The following MR1 variants were observed in gnomAD, a reference collection of about 807,000 sequenced individuals.
MR1 encodes major histocompatibility complex class I-related protein 1.
A neutral mutation model predicts 37.8 loss-of-function variants in MR1; 44 were observed. The observed-to-expected ratio is 1.16, with a 90% confidence interval of 0.91 to 1.50. The LOEUF (loss-of-function observed/expected upper bound fraction) is 1.50, where lower values mean the gene tolerates loss of function less well. Among genes scored for constraint, MR1 ranks in the 40% most tolerant of loss-of-function variants. The probability of loss-of-function intolerance (pLI) is 0.00; values close to 1 mark genes in which losing one functional copy is unlikely to be tolerated. For synonymous variants in MR1, 153 were observed against 155.8 expected (o/e 0.98, Z 0.13); for missense variants, 386 against 419.1 (o/e 0.92, Z 0.69).
At chr1:181,055,015 TC>T (rs1289157895) in intron 5 of MR1, among the ~76,000 whole-genome samples, 1 of 152,216 alleles carries the variant, frequency 6.6e-6, no homozygotes, top group Non-Finnish European at 1.5e-5. Flanking sequence ...CATCCCTCTC[TC>T]AATAATTATA....
In MR1 at chr1:181,058,563, T is replaced by C. The variant is rs1233128522; in HGVS notation, c.*3298T>C. ...TCCTCTTACTCCCATGATTTCCAAG[T>C]TGTGATCCTTTCCTTATTTCTGAGG... On this transcript the variant is annotated 3_prime_UTR_variant, in exon 6 of 6. Transcript: ENST00000367580. 6.6e-6 allele frequency: 1 copy of C among 152,248 alleles called. No individual in the cohort carries two copies. Among genetic ancestry groups the C allele is most frequent in the Non-Finnish European group, 1.5e-5 (1 of 68,048 alleles). The allele number at this position is 152,248 out of a possible 1,614,324, so 9.4% of individuals were successfully genotyped here. A position where few individuals can be genotyped will look rare whatever the true frequency, so the allele number is the denominator to read the frequency against.
At chr1:181,054,323 C>A (rs1370928407) in intron 5 of MR1, among the ~76,000 whole-genome samples, 1 of 152,134 alleles carries the variant, frequency 6.6e-6, no homozygotes, top group Non-Finnish European at 1.5e-5. Context: ...AAGACAGATA[C>A]GATCCCTGTT....
intron 1 of MR1, among the ~76,000 whole-genome samples, chr1:181,046,347 A>C (rs1264243954): frequency 6.6e-6 from 1 of 152,162 alleles, no homozygotes; most frequent in Non-Finnish European, 1.5e-5. Flanking sequence ...TTGTAAATAC[A>C]CCAATCGGCA....
chr1:181,045,201 G>T (rs1363800473), intron 1 of MR1, among the ~76,000 whole-genome samples: 3 of 152,170 alleles, frequency 2.0e-5, no homozygotes, highest in Admixed American at 1.3e-4. Flanking sequence ...TTGGAGGTGG[G>T]TTTTGAGGAC....
chr1:181,044,940 C>T (rs890351584), intron 1 of MR1, among the ~76,000 whole-genome samples: 7 of 152,224 alleles, frequency 4.6e-5, no homozygotes, highest in African/African-American at 1.7e-4. Context: ...TGGAGGGAGA[C>T]ACCAGCTTTC....
At chr1:181,040,068 G>A (rs1489875270) in intron 1 of MR1, among the ~76,000 whole-genome samples, 1 of 152,064 alleles carries the variant, frequency 6.6e-6, no homozygotes, top group South Asian at 2.1e-4. Context: ...TGGTTGTGTC[G>A]TTCGGGTTCT....
intron 2 of MR1, chr1:181,049,521 C>A (rs757980563): frequency 3.3e-5 from 20 of 614,878 alleles, no homozygotes; most frequent in Non-Finnish European, 5.7e-5. Context: ...CTGTCATTTG[C>A]CCCACCCACT....
intron 1 of MR1, among the ~76,000 whole-genome samples, chr1:181,036,815 G>T (rs975293164): frequency 9.2e-5 from 14 of 152,192 alleles, no homozygotes; most frequent in Non-Finnish European, 1.9e-4. Flanking sequence ...GTAAATGTTT[G>T]CTGAGTGAAT....
At position 181,056,372 on chromosome 1, in the gene MR1, AT is replaced by A. The variant is rs1431562876; in HGVS notation, c.*1108del. 1 of 55,784 alleles carries A rather than the reference AT, an allele frequency of 1.8e-5. No homozygotes were observed. The highest frequency in any genetic ancestry group is 1.4e-4 in the African/African-American group (1 of 7,120). The allele number at this position is 55,784 out of a possible 1,614,324, so 3.5% of individuals were successfully genotyped here. On this transcript the variant is annotated 3_prime_UTR_variant, in exon 6 of 6. Transcript: ENST00000367580. ...AGTGAGACTCTATCTCAAAATAATA[AT>A]AATAATAATAATAATAATAATAATA...
intron 3 of MR1, 78 bp downstream of exon 3, chr1:181,050,364 T>C (rs1306495241): frequency 1.3e-6 from 2 of 1,549,314 alleles, no homozygotes; most frequent in East Asian, 2.3e-5. Context: ...ATCTAGGTTA[T>C]ATCCACTGTA....
In MR1 at chr1:181,049,254, C is replaced by T; in HGVS notation, c.270C>T (p.Gly90=). The change falls in exon 2 of 6, where the codon GGC becomes GGT. Residue 90 remains glycine, a synonymous_variant. Transcript: ENST00000367580. ...AGAGGTACACTCAGCTGCTGAGGGG[C>T]TGGCAGCAGATGTTCAAGGTGGAAC... The part of the protein sequence containing the change: ...HWERYTQLLR[G]WQQMFKVELK... 1.2e-6 allele frequency: 2 copies of T among 1,614,184 alleles called. No homozygotes were observed. The highest frequency in any genetic ancestry group is 1.7e-6 in the Non-Finnish European group (2 of 1,180,016).
At chr1:181,038,719 A>G (rs150722112) in intron 1 of MR1, among the ~76,000 whole-genome samples, 1,678 of 152,380 alleles carry the variant, frequency 0.011, 18 homozygotes, top group Middle Eastern at 0.031. Context: ...GGGACTTCCC[A>G]TGGAGAGATC....
intron 1 of MR1, among the ~76,000 whole-genome samples, chr1:181,038,259 G>A (rs1159817364): frequency 6.6e-6 from 1 of 152,186 alleles, no homozygotes; most frequent in East Asian, 1.9e-4. Context: ...TATGCTCTAA[G>A]TTCCTGTAGT....
intron 1 of MR1, among the ~76,000 whole-genome samples, chr1:181,046,113 AC>A (rs901628762): frequency 6.6e-6 from 1 of 151,618 alleles, no homozygotes; most frequent in Non-Finnish European, 1.5e-5. Context: ...TGAGCCTCCC[AC>A]CCCCTCCATG....
intron 2 of MR1, 63 bp downstream of exon 2, chr1:181,049,375 C>T: frequency 2.0e-6 from 3 of 1,537,664 alleles, no homozygotes; most frequent in Non-Finnish European, 2.6e-6. Context: ...GACCCCTGGG[C>T]TGGCCTCCAA....
At chr1:181,046,044 G>A (rs950147193) in intron 1 of MR1, among the ~76,000 whole-genome samples, 2 of 152,218 alleles carry the variant, frequency 1.3e-5, no homozygotes, top group African/African-American at 2.4e-5. Context: ...TCGATTTCTC[G>A]CCGGGCCTTA....
chr1:181,045,487 T>C (rs900853488), intron 1 of MR1, among the ~76,000 whole-genome samples: 5 of 152,050 alleles, frequency 3.3e-5, no homozygotes, highest in Non-Finnish European at 7.4e-5. Flanking sequence ...TCGAACCTCC[T>C]GCTTGCACAT....
At chr1:181,039,695 G>A (rs1034635863) in intron 1 of MR1, among the ~76,000 whole-genome samples, 7 of 151,880 alleles carry the variant, frequency 4.6e-5, no homozygotes, top group African/African-American at 1.7e-4. Context: ...GTGAAACCCT[G>A]TCTCTACTAA....
intron 1 of MR1, among the ~76,000 whole-genome samples, chr1:181,034,457 A>C (rs913147884): frequency 1.5e-5 from 2 of 135,126 alleles, no homozygotes; most frequent in African/African-American, 5.8e-5. Context: ...GAGTAGATCC[A>C]TTGTTCAGGT....
Sources: allele counts gnomAD v4.1 joint callset (sites outside exome capture counted in the v4.1 genomes callset), GRCh38; gene constraint gnomAD v4.1.1; transcripts MANE v1.5; gene names NCBI Gene and HGNC (gene_info 2026-07-23, HGNC 2026-07-21).